Variants in AOPEP observed in about 807,000 individuals in gnomAD.
AOPEP encodes aminopeptidase O.
A neutral mutation model predicts 98.1 loss-of-function variants in AOPEP; 77 were observed. The observed-to-expected ratio is 0.78, with a 90% CI of 0.65 to 0.95. The LOEUF (loss-of-function observed/expected upper bound fraction) is 0.95. Ranked by LOEUF, AOPEP falls within the 40% of genes least tolerant of loss-of-function variation. The probability of loss-of-function intolerance (pLI) is 0.00; values close to 1 mark genes in which losing one functional copy is unlikely to be tolerated. For missense variants in AOPEP, 1,024 were observed against 1,024.7 expected, an observed-to-expected ratio of 1.00 and a Z score of 0.01; for synonymous variants, 346 against 365.3, an observed-to-expected ratio of 0.95 and a Z score of 0.60.
chr9:94,932,398 G>A, intron 7 of AOPEP: 1 of 417,362 alleles, frequency 2.4e-6, no homozygotes, highest in Non-Finnish European at 3.2e-6. Context: ...TAATTTATAA[G>A]AACAGCTTTC....
At chr9:95,057,388 C>G (rs932025968) in intron 13 of AOPEP, among the ~76,000 whole-genome samples, 2 of 152,254 alleles carry the variant, frequency 1.3e-5, no homozygotes, top group African/African-American at 4.8e-5. Flanking sequence ...CCCACTCCCC[C>G]TGTGCCCGCC....
At chr9:94,891,127 GT>G (rs1489143126) in intron 5 of AOPEP, among the ~76,000 whole-genome samples, 17 of 152,278 alleles carry the variant, frequency 1.1e-4, no homozygotes, top group Admixed American at 5.2e-4. Flanking sequence ...CTCTTGTTTA[GT>G]GCATACACAT....
At chr9:95,106,333 A>G in the AOPEP span, among the ~76,000 whole-genome samples, 2 of 152,178 alleles carry the variant, frequency 1.3e-5, no homozygotes, top group Non-Finnish European at 2.9e-5. Context: ...TTGTTGAGTT[A>G]TAAGAATTCC....
intron 7 of AOPEP, chr9:94,932,716 T>A: frequency 1.3e-6 from 1 of 749,140 alleles, no homozygotes; most frequent in Non-Finnish European, 1.6e-6. Context: ...ACTCCTAACC[T>A]CAAGTGATCT....
intron 11 of AOPEP, among the ~76,000 whole-genome samples, chr9:94,996,387 T>TGA (rs1376849968): frequency 6.3e-5 from 9 of 143,854 alleles, no homozygotes; most frequent in African/African-American, 2.4e-4. Flanking sequence ...TGTGTGTGTG[T>TGA]GTGTGAGAGA....
the AOPEP span, among the ~76,000 whole-genome samples, chr9:95,137,994 G>A: frequency 6.6e-6 from 1 of 152,264 alleles, no homozygotes. Flanking sequence ...GCCCAGAGGT[G>A]GGGCCTAGTG....
At chr9:94,851,791 A>G (rs1178702626) in intron 5 of AOPEP, among the ~76,000 whole-genome samples, 1 of 149,106 alleles carries the variant, frequency 6.7e-6, no homozygotes, top group Non-Finnish European at 1.5e-5. Context: ...TGCAACTCCT[A>G]GAATACTGCT....
At chr9:95,149,923 A>C in the AOPEP span, 1 of 1,597,732 alleles carries the variant, frequency 6.3e-7, no homozygotes, top group African/African-American at 1.3e-5. Context: ...TGCCACTTAC[A>C]GCAAAATGGC....
chr9:94,796,181 G>A (rs1320332556), intron 4 of AOPEP, among the ~76,000 whole-genome samples: 3 of 152,236 alleles, frequency 2.0e-5, no homozygotes, highest in Admixed American at 6.5e-5. Context: ...CTCTAGGGAA[G>A]CGCGTCTTTC....
chr9:94,974,309 C>T (rs113770017), intron 10 of AOPEP, among the ~76,000 whole-genome samples: 2,897 of 152,210 alleles, frequency 0.019, 56 homozygotes, highest in Admixed American at 0.035. Context: ...AGTGTGATGT[C>T]GACACTGATA....
intron 5 of AOPEP, among the ~76,000 whole-genome samples, chr9:94,845,947 TAGTC>T (rs1481249623): frequency 1.3e-5 from 2 of 151,880 alleles, no homozygotes; most frequent in Non-Finnish European, 2.9e-5. Flanking sequence ...ATACAAGAAT[TAGTC>T]AGGCGTGGTG....
chr9:95,073,482 C>T (rs1293711252), intron 14 of AOPEP, among the ~76,000 whole-genome samples: 1 of 152,012 alleles, frequency 6.6e-6, no homozygotes. Context: ...GGCGCGGTGG[C>T]TCCCGCCTGT....
intron 5 of AOPEP, among the ~76,000 whole-genome samples, chr9:94,835,064 G>T (rs2041415219): frequency 6.6e-6 from 1 of 152,140 alleles, no homozygotes. Context: ...TGTCGAAGTA[G>T]ACCCACACAT....
At chr9:94,738,711 C>T (rs2131866669) in intron 1 of AOPEP, among the ~76,000 whole-genome samples, 1 of 151,934 alleles carries the variant, frequency 6.6e-6, no homozygotes, top group African/African-American at 2.4e-5. Flanking sequence ...GTAGCTGGGA[C>T]TACAGGCGCC....
chr9:94,759,446 A>G (rs908023063), intron 1 of AOPEP, among the ~76,000 whole-genome samples: 1 of 152,346 alleles, frequency 6.6e-6, no homozygotes, highest in South Asian at 2.1e-4. Context: ...CATGCCATCC[A>G]GTTGGTAATT....
intron 11 of AOPEP, among the ~76,000 whole-genome samples, chr9:94,998,625 G>A (rs1000077968): frequency 6.6e-6 from 1 of 152,186 alleles, no homozygotes; most frequent in Non-Finnish European, 1.5e-5. Context: ...GCTTAGAGGG[G>A]CCACACAGCT....
Position 94,864,521 on chromosome 9 carries a change from G to A in AOPEP, c.1365-59465G>A, listed in dbSNP as rs193212269. 6.2e-4 allele frequency among the ~76,000 whole-genome samples: 94 copies of A among 152,176 alleles called. No homozygotes were observed. In the East Asian group the frequency reaches 0.013, roughly 21 times the overall value. ...ATTTATTTAGACTGGAAAGTTTTAC[G>A]CTGACATTTCTAAAAAGTTTATATC... On this transcript the variant is annotated intron_variant, in intron 5 of 16. Transcript: ENST00000375315.
At position 94,792,861 on chromosome 9, in the gene AOPEP, G is replaced by A; in HGVS notation, c.1061G>A (p.Trp354Ter). 6.2e-7 allele frequency: 1 copy of A among 1,613,652 alleles called. No homozygotes were observed. Among genetic ancestry groups the A allele is most frequent in the Non-Finnish European group, 8.5e-7 (1 of 1,179,806 alleles). Residue 354 changes from tryptophan (W) to a stop codon, truncating the protein, a stop_gained, in exon 4 of 17, where the codon TGG becomes TAG. Coordinates refer to ENST00000375315, the MANE Select transcript of AOPEP (RefSeq NM_001193329.3). LOFTEE classifies it high-confidence loss of function. ...GCWTEMKMETWSSNDLATERP... is the reference protein window; with the variant it reads ...GCWTEMKMET ...TGGACAGAAATGAAGATGGAGACATGGTCATCAAATGATTTGGCAACAGAG... is the reference window on the plus strand; with the variant it reads ...TGGACAGAAATGAAGATGGAGACATAGTCATCAAATGATTTGGCAACAGAG...
chr9:94,740,659 A>C (rs1279091798), intron 1 of AOPEP, among the ~76,000 whole-genome samples: 1 of 152,144 alleles, frequency 6.6e-6, no homozygotes, highest in Non-Finnish European at 1.5e-5. Flanking sequence ...ACACAAGATC[A>C]CATGCCAGAA....
Sources: gnomAD v4.1 joint callset for allele counts (sites outside exome capture counted in the v4.1 genomes callset) on GRCh38, gnomAD v4.1.1 for gene constraint, MANE v1.5 for transcripts, NCBI Gene and HGNC (gene_info 2026-07-23, HGNC 2026-07-21) for gene names.